RPS24: variants seen among roughly 807,000 people sequenced by gnomAD.
RPS24 encodes small ribosomal subunit protein eS24.
For synonymous variants in RPS24, 72 were observed against 55.6 expected (o/e 1.30, Z -1.31); for missense variants, 100 against 162.5 (o/e 0.62, Z 2.09).
downstream of RPS24, among the ~76,000 whole-genome samples, chr10:78,045,553 C>G (rs962273795): frequency 5.3e-5 from 8 of 151,794 alleles, no homozygotes; most frequent in African/African-American, 1.9e-4. Flanking sequence ...ACTGTTTTGG[C>G]TCACTGCAAC....
intron 4 of RPS24, among the ~76,000 whole-genome samples, chr10:78,048,521 A>G (rs1218869403): frequency 6.6e-6 from 1 of 152,120 alleles, no homozygotes; most frequent in Non-Finnish European, 1.5e-5. Flanking sequence ...AAGGGGATTC[A>G]AAAGAGTGGT....
At chr10:78,051,321 C>A (rs1848096634) in intron 4 of RPS24, among the ~76,000 whole-genome samples, 1 of 152,344 alleles carries the variant, frequency 6.6e-6, no homozygotes, top group East Asian at 1.9e-4. Context: ...CTGGAAACTT[C>A]ATATAAATGA....
At chr10:78,042,115 T>C (rs1263160129), downstream of RPS24, among the ~76,000 whole-genome samples, 2 of 152,242 alleles carry the variant, frequency 1.3e-5, no homozygotes, top group Non-Finnish European at 2.9e-5. Context: ...AAGGTCTGGA[T>C]TTCCAGCCTC....
At chr10:78,041,419 G>A (rs1847985015), downstream of RPS24, among the ~76,000 whole-genome samples, 1 of 152,228 alleles carries the variant, frequency 6.6e-6, no homozygotes, top group Non-Finnish European at 1.5e-5. Context: ...ATCTACAGAG[G>A]CTGTGTACTT....
chr10:78,035,232 T>G (rs1847837199), intron 1 of RPS24, 120 bp from the exon 2 acceptor site: 1 of 988,966 alleles, frequency 1.0e-6, no homozygotes, highest in South Asian at 1.3e-5. Context: ...TTTATTTACT[T>G]TAGTTCGCTA....
At position 78,037,216 on chromosome 10, in the gene RPS24, A is replaced by C; in HGVS notation, c.302A>C (p.Lys101Thr). ...CAGCATGGCCTGTATGAGAAGAAAA[A>C]GACCTCAAGAAAGCAACGAAAGGAA... ...LARHGLYEKK[K>T]TSRKQRKERK... is the part of the protein sequence containing the mutation. The change falls in exon 4 of 6, where the codon AAG (lysine) becomes ACG (threonine). Residue 101 changes from lysine to threonine, a missense_variant. Transcript: ENST00000372360. 1 of 1,605,488 alleles carries C rather than the reference A, an allele frequency of 6.2e-7. No homozygotes were observed.
At chr10:78,037,530 C>T (rs994307937) in intron 4 of RPS24, 2 of 590,052 alleles carry the variant, frequency 3.4e-6, no homozygotes, top group Non-Finnish European at 5.6e-6. Flanking sequence ...ACAGCACAAT[C>T]TGGAGGCCAC....
chr10:78,045,378 TG>T (rs1392438032), downstream of RPS24, among the ~76,000 whole-genome samples: 5 of 152,196 alleles, frequency 3.3e-5, no homozygotes, highest in African/African-American at 1.2e-4. Flanking sequence ...GCTGGGGCCA[TG>T]GATGGGCAAA....
Position 78,040,625 on chromosome 10 carries a change from A to G in RPS24, c.*30A>G. ...TCTCTTGATTCACAGCCGAAGGAGTAAAGGTGCTGCAATGATGTTAGCTGT... is the reference window on the plus strand; with the variant it reads ...TCTCTTGATTCACAGCCGAAGGAGTGAAGGTGCTGCAATGATGTTAGCTGT... On this transcript the variant is annotated 3_prime_UTR_variant, in exon 6 of 6. Transcript: ENST00000372360. 4.3e-6 allele frequency: 7 copies of G among 1,613,798 alleles called. No homozygotes were observed. Among genetic ancestry groups the G allele is most frequent in the Non-Finnish European group, 5.9e-6 (7 of 1,179,624 alleles).
At chr10:78,040,530 C>G (rs1488217187) in intron 5 of RPS24, 85 bp from the exon 6 acceptor site, 2 of 944,666 alleles carry the variant, frequency 2.1e-6, no homozygotes, top group Non-Finnish European at 3.5e-6. Context: ...AATTGTTGTG[C>G]ATGAGTGTTA....
At chr10:78,056,166 G>A in exon 5 of RPS24, 1 of 152,752 alleles carries the variant, frequency 6.5e-6, no homozygotes, top group Non-Finnish European at 1.5e-5. Context: ...GGCTGGTTGA[G>A]GGTCTGTCGT....
chr10:78,055,142 C>T (rs1848138138), exon 5 of RPS24: 2 of 1,356,972 alleles, frequency 1.5e-6, no homozygotes, highest in Non-Finnish European at 1.9e-6. Context: ...CAGAACCCTC[C>T]AGGGCTCCAC....
At chr10:78,043,831 C>G (rs1011486062), downstream of RPS24, among the ~76,000 whole-genome samples, 9 of 152,086 alleles carry the variant, frequency 5.9e-5, no homozygotes, top group Admixed American at 1.3e-4. Flanking sequence ...CAGTTGCTGT[C>G]GGTCAACTGC....
chr10:78,037,144 A>G, intron 3 of RPS24, 50 bp from the exon 4 acceptor site: 1 of 1,562,748 alleles, frequency 6.4e-7, no homozygotes, highest in South Asian at 1.2e-5. Context: ...AGTGGTGGGT[A>G]ATGATTTTAA....
intron 1 of RPS24, 146 bp downstream of exon 1, chr10:78,034,050 G>A (rs1464154287): frequency 1.9e-6 from 2 of 1,047,512 alleles, no homozygotes; most frequent in Non-Finnish European, 3.0e-6. Flanking sequence ...CGAGGGGCTC[G>A]GGGCTGTTGG....
chr10:78,050,802 T>C (rs1848091682), intron 4 of RPS24, among the ~76,000 whole-genome samples: 1 of 152,162 alleles, frequency 6.6e-6, no homozygotes, highest in Non-Finnish European at 1.5e-5. Flanking sequence ...TTTTTAGTTT[T>C]TGTAGAGACA....
intron 4 of RPS24, among the ~76,000 whole-genome samples, chr10:78,052,135 C>T (rs1400523716): frequency 1.3e-5 from 2 of 152,094 alleles, no homozygotes; most frequent in Non-Finnish European, 2.9e-5. Context: ...AAGCAATTCT[C>T]GTGTCTCAGC....
chr10:78,054,704 G>T, exon 5 of RPS24: 10 of 1,551,714 alleles, frequency 6.4e-6, no homozygotes, highest in Non-Finnish European at 8.7e-6. Context: ...GCTGTGGCAA[G>T]TATTTACAGG....
chr10:78,055,590 T>G (rs1289276416), exon 5 of RPS24: 28 of 152,390 alleles, frequency 1.8e-4, no homozygotes, highest in Admixed American at 1.8e-3. Flanking sequence ...ATGCCAAGTT[T>G]AGAAGCTCTT....
Sources: gnomAD v4.1 joint callset for allele counts (sites outside exome capture counted in the v4.1 genomes callset) on GRCh38, gnomAD v4.1.1 for gene constraint, MANE v1.5 for transcripts, NCBI Gene and HGNC (gene_info 2026-07-23, HGNC 2026-07-21) for gene names.